Variants in HNRNPC observed in about 807,000 individuals in gnomAD.
The protein encoded by HNRNPC is heterogeneous nuclear ribonucleoprotein C, also known as heterogeneous nuclear ribonucleoproteins C1/C2.
Under a neutral mutation model 33.2 loss-of-function variants are expected in HNRNPC, and 3 were observed. The ratio of observed to expected loss-of-function variants is 0.09; its 90% CI spans 0.04 to 0.23. HNRNPC has a LOEUF of 0.23. Among genes scored for constraint, HNRNPC ranks in the 10% least tolerant of loss-of-function variants. The probability of loss-of-function intolerance (pLI) is 1.00; values close to 1 mark genes in which losing one functional copy is unlikely to be tolerated. For missense variants in HNRNPC, 143 were observed against 366.7 expected, an observed-to-expected ratio of 0.39 and a Z score of 4.98; for synonymous variants, 121 against 126.7, an observed-to-expected ratio of 0.96 and a Z score of 0.30.
At chr14:21,266,138 C>T (rs891708816) in intron 1 of HNRNPC, among the ~76,000 whole-genome samples, 1 of 152,194 alleles carries the variant, frequency 6.6e-6, no homozygotes, top group African/African-American at 2.4e-5. Context: ...TGGGGTCTCA[C>T]TCTGTCGCCC....
chr14:21,242,463 G>A (rs1370588884), intron 2 of HNRNPC, among the ~76,000 whole-genome samples: 1 of 152,168 alleles, frequency 6.6e-6, no homozygotes, highest in African/African-American at 2.4e-5. Flanking sequence ...CTGTCTGGTC[G>A]TCAGTGCAAG....
At chr14:21,213,631 A>G (rs1436187510) in intron 5 of HNRNPC, among the ~76,000 whole-genome samples, 1 of 152,240 alleles carries the variant, frequency 6.6e-6, no homozygotes, top group Admixed American at 6.5e-5. Context: ...CTAGTGATAT[A>G]AGGTTGAACC....
At chr14:21,222,631 G>A (rs555927473) in intron 5 of HNRNPC, among the ~76,000 whole-genome samples, 6 of 152,268 alleles carry the variant, frequency 3.9e-5, no homozygotes, top group East Asian at 3.9e-4. Context: ...AGTGGCTCCC[G>A]CCTGTAATCC....
intron 2 of HNRNPC, among the ~76,000 whole-genome samples, chr14:21,246,898 C>T (rs528771576): frequency 1.6e-4 from 25 of 152,280 alleles, no homozygotes; most frequent in African/African-American, 5.8e-4. Flanking sequence ...GTCAATATAT[C>T]TTCTGCTCCT....
Position 21,231,148 on chromosome 14 carries a change from T to C in HNRNPC, c.242-76A>G, listed in dbSNP as rs1594245160. On this transcript the variant is annotated intron_variant, in intron 3 of 8. Coordinates refer to ENST00000553300, the MANE Select transcript of HNRNPC (RefSeq NM_004500.4). ...CAAACTACAAAGTTTATTTTTTTTA[T>C]TTTTGAGACATAGTTTCGCTTTCTC... 2.0e-5 allele frequency: 29 copies of C among 1,430,912 alleles called. No homozygotes were observed. In the East Asian group the frequency reaches 6.7e-4, roughly 33 times the overall value. 88.6% of individuals were successfully genotyped at this position (1,430,912 alleles called of 1,614,324 possible).
intron 2 of HNRNPC, among the ~76,000 whole-genome samples, chr14:21,243,765 C>A (rs1895633825): frequency 6.6e-6 from 1 of 152,170 alleles, no homozygotes; most frequent in South Asian, 2.1e-4. Flanking sequence ...TTGCTTGGAA[C>A]TGAATCTTTT....
chr14:21,265,097 A>T (rs1401508144), intron 1 of HNRNPC: 1 of 152,224 alleles, frequency 6.6e-6, no homozygotes, highest in Non-Finnish European at 1.5e-5. Flanking sequence ...CAAGTACCAT[A>T]CATTTTTAAA....
intron 2 of HNRNPC, among the ~76,000 whole-genome samples, chr14:21,237,612 T>C (rs1894848979): frequency 6.6e-6 from 1 of 152,184 alleles, no homozygotes; most frequent in African/African-American, 2.4e-5. Context: ...TCTCTCTAGG[T>C]AGTATGGTGT....
At chr14:21,239,639 T>G (rs971700353) in intron 2 of HNRNPC, among the ~76,000 whole-genome samples, 6 of 152,136 alleles carry the variant, frequency 3.9e-5, no homozygotes, top group African/African-American at 1.4e-4. Context: ...TTTGGGAGGC[T>G]GAGGCGAGCA....
chr14:21,248,244 C>T (rs1469782070), intron 2 of HNRNPC, among the ~76,000 whole-genome samples: 1 of 152,098 alleles, frequency 6.6e-6, no homozygotes, highest in Admixed American at 6.6e-5. Context: ...CGGGGTTTTG[C>T]CATGTTGCCC....
chr14:21,258,886 G>A (rs767137714), intron 2 of HNRNPC, among the ~76,000 whole-genome samples: 7 of 152,278 alleles, frequency 4.6e-5, no homozygotes, highest in Middle Eastern at 3.4e-3. Flanking sequence ...AAGAGATTGA[G>A]ACAGTGGCCT....
intron 1 of HNRNPC, among the ~76,000 whole-genome samples, chr14:21,266,829 G>A (rs1206141132): frequency 2.6e-5 from 4 of 151,734 alleles, no homozygotes; most frequent in Admixed American, 6.6e-5. Flanking sequence ...GGTGGCTCAC[G>A]CCTGTAATAC....
intron 2 of HNRNPC, among the ~76,000 whole-genome samples, chr14:21,262,392 T>C (rs576489552): frequency 1.6e-4 from 25 of 152,348 alleles, no homozygotes; most frequent in Middle Eastern, 3.4e-3. Context: ...ATCCAAAATG[T>C]TCTAATCAGC....
chr14:21,268,674 G>A (rs1879423913), intron 1 of HNRNPC: 1 of 152,150 alleles, frequency 6.6e-6, no homozygotes, highest in South Asian at 2.1e-4. Flanking sequence ...GTAACCTGCA[G>A]ATGAAAAGTC....
chr14:21,232,016 C>T (rs555054977), intron 3 of HNRNPC, among the ~76,000 whole-genome samples: 27 of 152,200 alleles, frequency 1.8e-4, no homozygotes, highest in African/African-American at 5.8e-4. Flanking sequence ...CCTGGGTTAA[C>T]GACTGCTTTC....
In HNRNPC at chr14:21,251,260, C is replaced by CAAAAAA. The variant is rs71419116; in HGVS notation, c.-37+12045_-37+12050dup. Among the ~76,000 whole-genome samples the CAAAAAA allele has an allele frequency of 1.0e-3, 51 of 49,482 alleles. 1 individual carries two copies. Among genetic ancestry groups the CAAAAAA allele is most frequent in the African/African-American group, 3.7e-3 (45 of 12,186 alleles). The allele number at this position is 49,482 out of a possible 152,430, so 32.5% of individuals were successfully genotyped here. A position where few individuals can be genotyped will look rare whatever the true frequency, so the allele number is the denominator to read the frequency against. ...TGGACAACAGAGCAAGACTCCCTCT[C>CAAAAAA]AAAAAAAAAAAAAAAAAAAAAAAAG... On this transcript the variant is annotated intron_variant, in intron 2 of 8. Transcript: ENST00000553300.
intron 2 of HNRNPC, among the ~76,000 whole-genome samples, chr14:21,249,304 G>A (rs1269347805): frequency 2.6e-5 from 4 of 151,934 alleles, no homozygotes; most frequent in Non-Finnish European, 5.9e-5. Context: ...GGGCGCAGTG[G>A]CTCACGCCTG....
intron 2 of HNRNPC, among the ~76,000 whole-genome samples, chr14:21,253,173 TAA>T (rs544647664): frequency 4.3e-4 from 51 of 118,666 alleles, no homozygotes; most frequent in Admixed American, 5.3e-4. Context: ...ACTCTGTCTT[TAA>T]AAAAAAAAAA....
At chr14:21,224,256 G>A (rs1893166208) in intron 5 of HNRNPC, among the ~76,000 whole-genome samples, 1 of 151,968 alleles carries the variant, frequency 6.6e-6, no homozygotes. Flanking sequence ...ACAAAATTAG[G>A]GATATTAACT....
Sources: gnomAD v4.1 joint callset for allele counts (sites outside exome capture counted in the v4.1 genomes callset) on GRCh38, gnomAD v4.1.1 for gene constraint, MANE v1.5 for transcripts, NCBI Gene and HGNC (gene_info 2026-07-23, HGNC 2026-07-21) for gene names.